The following MDFIC2 variants were observed in gnomAD, a reference collection of about 807,000 sequenced individuals.
The protein encoded by MDFIC2 is MyoD family inhibitor domain containing 2, also known as myoD family inhibitor domain-containing protein 2.
intron 2 of MDFIC2, among the ~76,000 whole-genome samples, chr3:70,281,004 T>G (rs1559552776): frequency 6.6e-6 from 1 of 152,166 alleles, no homozygotes; most frequent in African/African-American, 2.4e-5. Flanking sequence ...AACTTACGTA[T>G]AAAAAAATGA....
chr3:70,202,338 C>G (rs188175846), intron 3 of MDFIC2, among the ~76,000 whole-genome samples: 2 of 152,140 alleles, frequency 1.3e-5, no homozygotes, highest in Admixed American at 6.5e-5. Context: ...AGTAGTCTAT[C>G]TGACAACAGT....
At chr3:70,250,997 TA>T (rs1234553191) in intron 2 of MDFIC2, among the ~76,000 whole-genome samples, 1 of 152,224 alleles carries the variant, frequency 6.6e-6, no homozygotes, top group Non-Finnish European at 1.5e-5. Flanking sequence ...TTAAAAGTAA[TA>T]TTTTGTGAAA....
chr3:70,246,871 T>C (rs1440752412), intron 2 of MDFIC2, among the ~76,000 whole-genome samples: 6 of 152,084 alleles, frequency 3.9e-5, no homozygotes, highest in Admixed American at 3.3e-4. Context: ...TTTGTAAATA[T>C]GTTTTCTTCT....
chr3:70,228,172 G>C (rs1701526499), intron 2 of MDFIC2, among the ~76,000 whole-genome samples: 1 of 151,766 alleles, frequency 6.6e-6, no homozygotes, highest in Non-Finnish European at 1.5e-5. Context: ...TTAATTTTTA[G>C]AGGTTTTAGT....
intron 2 of MDFIC2, among the ~76,000 whole-genome samples, chr3:70,268,248 A>AT (rs1369942784): frequency 6.6e-6 from 1 of 152,084 alleles, no homozygotes; most frequent in Non-Finnish European, 1.5e-5. Flanking sequence ...AGGCAGGCAG[A>AT]TTGCCTGAGC....
In MDFIC2 at chr3:70,195,260, G is replaced by C. The variant is rs1701164559; in HGVS notation, c.*1666C>G. 6.6e-6 allele frequency among the ~76,000 whole-genome samples: 1 copy of C among 151,950 alleles called. No individual in the cohort carries two copies. The highest frequency in any genetic ancestry group is 1.5e-5 in the Non-Finnish European group (1 of 68,002). On this transcript the variant is annotated 3_prime_UTR_variant, in exon 4 of 4. Transcript: ENST00000567252. ...CTACAAGTTCTATGCATTGAGTATA[G>C]AGCTGTTTCTTCGAGCTTCTGAAAA... is the stretch of plus-strand genomic sequence containing the variant.
intron 2 of MDFIC2, among the ~76,000 whole-genome samples, chr3:70,211,147 T>C (rs889075115): frequency 1.3e-5 from 2 of 152,054 alleles, no homozygotes; most frequent in Non-Finnish European, 2.9e-5. Flanking sequence ...CTATTCTTGT[T>C]TCTTCCTTTC....
intron 2 of MDFIC2, among the ~76,000 whole-genome samples, chr3:70,211,688 C>T (rs1237961290): frequency 2.1e-5 from 3 of 144,264 alleles, no homozygotes; most frequent in Non-Finnish European, 4.6e-5. Flanking sequence ...CCTTCCTTTC[C>T]CTTCCCTTCC....
chr3:70,234,220 G>A (rs930602689), intron 2 of MDFIC2, among the ~76,000 whole-genome samples: 2 of 152,218 alleles, frequency 1.3e-5, no homozygotes, highest in Non-Finnish European at 2.9e-5. Flanking sequence ...TAGACACTTA[G>A]AGGGCTGGGT....
chr3:70,207,811 C>T (rs1701306287), intron 2 of MDFIC2, among the ~76,000 whole-genome samples: 1 of 152,000 alleles, frequency 6.6e-6, no homozygotes, highest in African/African-American at 2.4e-5. Flanking sequence ...ATATTAGAGA[C>T]CTGAGCATCT....
intron 2 of MDFIC2, among the ~76,000 whole-genome samples, chr3:70,218,719 A>G (rs1701436334): frequency 6.6e-6 from 1 of 152,160 alleles, no homozygotes. Flanking sequence ...CTTAAAGCCT[A>G]CAAGAGACAC....
chr3:70,283,259 G>A (rs1702106658), intron 2 of MDFIC2, among the ~76,000 whole-genome samples: 1 of 152,072 alleles, frequency 6.6e-6, no homozygotes, highest in South Asian at 2.1e-4. Context: ...GTAAACTCAT[G>A]CAGTCCTCTG....
chr3:70,239,143 A>G (rs1701640432), intron 2 of MDFIC2, among the ~76,000 whole-genome samples: 1 of 152,234 alleles, frequency 6.6e-6, no homozygotes, highest in Non-Finnish European at 1.5e-5. Flanking sequence ...AGTTCTATTC[A>G]ATTTGCAATA....
intron 2 of MDFIC2, among the ~76,000 whole-genome samples, chr3:70,306,463 G>T (rs895585290): frequency 2.6e-5 from 4 of 152,138 alleles, no homozygotes; most frequent in African/African-American, 9.7e-5. Context: ...ACTGCTTACA[G>T]AAAAGAAGCT....
chr3:70,227,817 A>T (rs919674420), intron 2 of MDFIC2, among the ~76,000 whole-genome samples: 5 of 152,126 alleles, frequency 3.3e-5, no homozygotes, highest in Non-Finnish European at 1.5e-5. Context: ...GGTAATACAA[A>T]CTGTGAATTA....
At chr3:70,234,764 C>T (rs1018008740) in intron 2 of MDFIC2, among the ~76,000 whole-genome samples, 12 of 152,216 alleles carry the variant, frequency 7.9e-5, no homozygotes, top group African/African-American at 1.9e-4. Context: ...TTTTCTATTT[C>T]GTCCCTCACT....
intron 2 of MDFIC2, among the ~76,000 whole-genome samples, chr3:70,297,133 TA>T (rs1201812719): frequency 1.3e-5 from 2 of 152,100 alleles, no homozygotes; most frequent in African/African-American, 4.8e-5. Context: ...CTTGCTTACT[TA>T]AAAAAATATT....
intron 2 of MDFIC2, among the ~76,000 whole-genome samples, chr3:70,209,833 C>T (rs183877649): frequency 1.1e-4 from 17 of 152,208 alleles, no homozygotes; most frequent in African/African-American, 2.6e-4. Context: ...TTTACACACT[C>T]GCCTTTCCCT....
chr3:70,279,965 G>C (rs532706656), intron 2 of MDFIC2, among the ~76,000 whole-genome samples: 1 of 152,236 alleles, frequency 6.6e-6, no homozygotes, highest in East Asian at 1.9e-4. Context: ...GTTTTTTAGG[G>C]TTGCTGTAAC....
Sources: gnomAD v4.1 joint callset for allele counts (sites outside exome capture counted in the v4.1 genomes callset) on GRCh38, gnomAD v4.1.1 for gene constraint, MANE v1.5 for transcripts, NCBI Gene and HGNC (gene_info 2026-07-23, HGNC 2026-07-21) for gene names.